ANAPC7: variants seen among roughly 807,000 people sequenced by gnomAD.
The protein encoded by ANAPC7 is anaphase-promoting complex subunit 7.
ANAPC7 carries 25 observed loss-of-function variants against 63.3 expected under a neutral mutation model. The observed-to-expected ratio is 0.39, with a 90% CI of 0.29 to 0.55. The LOEUF is 0.55. Among genes scored for constraint, ANAPC7 ranks in the 20% least tolerant of loss-of-function variants. ANAPC7 has a pLI of 0.57. For missense variants in ANAPC7, 516 were observed against 691.7 expected, an observed-to-expected ratio of 0.75 and a Z score of 2.85; for synonymous variants, 241 against 251.7, an observed-to-expected ratio of 0.96 and a Z score of 0.40.
intron 9 of ANAPC7, among the ~76,000 whole-genome samples, chr12:110,376,563 C>A (rs1881289185): frequency 9.8e-5 from 1 of 10,176 alleles, no homozygotes; most frequent in Admixed American, 8.2e-4. Flanking sequence ...AGCGAGACTC[C>A]ATCTCAAAAA....
intron 3 of ANAPC7, among the ~76,000 whole-genome samples, chr12:110,394,392 C>T (rs1401144992): frequency 1.3e-5 from 2 of 151,498 alleles, no homozygotes; most frequent in East Asian, 2.0e-4. Context: ...TTTGGGAGGC[C>T]GAGGTGGGCG....
intron 3 of ANAPC7, among the ~76,000 whole-genome samples, chr12:110,391,456 C>T (rs767395535): frequency 2.0e-5 from 3 of 152,202 alleles, no homozygotes; most frequent in Non-Finnish European, 4.4e-5. Context: ...CACATTTTGA[C>T]TCACTTCCTT....
At chr12:110,383,050 T>C in intron 6 of ANAPC7, 90 bp from the exon 7 acceptor site, 2 of 905,836 alleles carry the variant, frequency 2.2e-6, no homozygotes, top group Admixed American at 2.2e-5. Flanking sequence ...TCAGACCCCA[T>C]GCTGAGGCCC....
At position 110,388,583 on chromosome 12, in the gene ANAPC7, T is replaced by C. The variant is rs1478051856; in HGVS notation, c.449A>G (p.Gln150Arg). 6.2e-7 allele frequency: 1 copy of C among 1,614,120 alleles called. No homozygotes were observed. The highest frequency in any genetic ancestry group is 8.5e-7 in the Non-Finnish European group (1 of 1,180,062). The change falls in exon 4 of 11, where the codon CAG becomes CGG. Residue 150 changes from glutamine (Q) to arginine (R), a missense_variant. By Grantham distance (43) the Gln-to-Arg change is conservative. Around this residue, in one of 4 missense-constraint regions of ANAPC7, gnomAD observed 185 missense variants for 200.3 expected, o/e 0.92. Transcript: ENST00000455511. ...ATAGCTGGTGACTGAAGGGCGCTCC[T>C]GACCAGCCTTCTTGTACAGGTTTGC... ...MLANLYKKAG[Q>R]ERPSVTSYKE...
In ANAPC7 at chr12:110,382,076, T is replaced by C. The variant is rs145251143; in HGVS notation, c.936-128A>G. The C allele has an allele frequency of 3.8e-4, 353 of 923,888 alleles. 1 individual carries two copies. The African/African-American group carries it at 5.4e-3, about 14-fold the overall frequency. 57.2% of individuals were successfully genotyped at this position (923,888 alleles called of 1,614,324 possible). ...TAATCCTTATTCCAAACCACACTTA[T>C]AGTTTTAACCTAAGATATTAGTAGA... On this transcript the variant is annotated intron_variant, in intron 7 of 10. Transcript: ENST00000455511.
Position 110,388,609 on chromosome 12 carries a change from C to T in ANAPC7, c.423G>A (p.Leu141=). The stretch of plus-strand genomic sequence containing the variant: ...GACCAGCCTTCTTGTACAGGTTTGC[C>T]AGCATCATGTTTATCTGTACAAACA... ...RQRTPKINMM[L]ANLYKKAGQE... Residue 141 remains leucine (L), a synonymous_variant, in exon 4 of 11, where the codon CTG becomes CTA. Coordinates refer to ENST00000455511, the MANE Select transcript of ANAPC7 (RefSeq NM_016238.3). 6.2e-7 allele frequency: 1 copy of T among 1,613,878 alleles called. No individual in the cohort carries two copies. Among genetic ancestry groups the T allele is most frequent in the Non-Finnish European group, 8.5e-7 (1 of 1,179,842 alleles).
intron 6 of ANAPC7, among the ~76,000 whole-genome samples, chr12:110,383,652 G>A (rs1486236615): frequency 2.6e-5 from 4 of 151,974 alleles, no homozygotes; most frequent in African/African-American, 9.7e-5. Flanking sequence ...GGAGGCCAAG[G>A]AGGGCAGATC....
chr12:110,373,449 G>A lies in ANAPC7; in HGVS notation c.*695C>T, dbSNP rs1880993492. ...AAATACTAAGAGTCTATTTTGAAAA[G>A]GGCTTCCATTCTGATCACCCCAACA... On this transcript the variant is annotated 3_prime_UTR_variant, in exon 11 of 11. Transcript: ENST00000455511. 6.6e-6 allele frequency: 1 copy of A among 152,110 alleles called. No homozygotes were observed. Among genetic ancestry groups the A allele is most frequent in the African/African-American group, 2.4e-5 (1 of 41,392 alleles). The allele number at this position is 152,110 out of a possible 1,614,324, so 9.4% of individuals were successfully genotyped here. A position where few individuals can be genotyped will look rare whatever the true frequency, so the allele number is the denominator to read the frequency against.
chr12:110,396,685 T>G (rs1481143883), intron 1 of ANAPC7, among the ~76,000 whole-genome samples: 2 of 149,898 alleles, frequency 1.3e-5, no homozygotes, highest in South Asian at 2.1e-4. Context: ...TAATTTTTGT[T>G]TTTTTTTTTA....
chr12:110,377,820 GAA>G, intron 8 of ANAPC7: 1 of 1,424,406 alleles, frequency 7.0e-7, no homozygotes, highest in Non-Finnish European at 9.2e-7. Flanking sequence ...GATGGATGTA[GAA>G]AAAGACTGCC....
At chr12:110,395,676 C>A (rs534621470) in intron 2 of ANAPC7, among the ~76,000 whole-genome samples, 7 of 151,958 alleles carry the variant, frequency 4.6e-5, no homozygotes, top group African/African-American at 1.7e-4. Flanking sequence ...GTAGCTGGGA[C>A]TACAGGCATC....
At chr12:110,378,313 CG>C (rs1881485509) in intron 8 of ANAPC7, among the ~76,000 whole-genome samples, 1 of 152,168 alleles carries the variant, frequency 6.6e-6, no homozygotes, top group Non-Finnish European at 1.5e-5. Context: ...AGGCTGCTCT[CG>C]AACTCCTGAC....
chr12:110,401,867 G>A (rs535495722), intron 1 of ANAPC7, among the ~76,000 whole-genome samples: 4 of 151,262 alleles, frequency 2.6e-5, no homozygotes, highest in Non-Finnish European at 4.4e-5. Context: ...CCAGCTACTC[G>A]GGAGGCTGAG....
chr12:110,398,363 C>G (rs1277142753), intron 1 of ANAPC7, among the ~76,000 whole-genome samples: 2 of 151,778 alleles, frequency 1.3e-5, no homozygotes, highest in Non-Finnish European at 2.9e-5. Context: ...TTGCAGTGGG[C>G]CAAGATCATG....
rs778392635 is a variant in ANAPC7, at chr12:110,396,263, T to C, written c.288+3A>G. The C allele has an allele frequency of 1.9e-6, 3 of 1,597,854 alleles. No homozygotes were observed. The highest frequency in any genetic ancestry group is 2.6e-6 in the Non-Finnish European group (3 of 1,172,968). On this transcript the variant is annotated splice_donor_region_variant and intron_variant, in intron 2 of 10. Coordinates refer to ENST00000455511, the MANE Select transcript of ANAPC7 (RefSeq NM_016238.3). Reference sequence around the variant, plus strand: ...AAAAAATCACAATTCTATCTCCAATTACCTGACTTTGTGGAGTAGATGCAG... The same window carrying C: ...AAAAAATCACAATTCTATCTCCAATCACCTGACTTTGTGGAGTAGATGCAG...
At chr12:110,381,630 C>T (rs905641505) in intron 8 of ANAPC7, 122 bp downstream of exon 8, 30 of 1,007,352 alleles carry the variant, frequency 3.0e-5, no homozygotes, top group Admixed American at 2.2e-4. Flanking sequence ...CCACCACGTC[C>T]GGCCAGCTTC....
At chr12:110,401,034 A>G (rs1277101130) in intron 1 of ANAPC7, among the ~76,000 whole-genome samples, 1 of 152,210 alleles carries the variant, frequency 6.6e-6, no homozygotes, top group African/African-American at 2.4e-5. Flanking sequence ...TGGGCAACAA[A>G]GCAAGACTCC....
At chr12:110,375,985 G>T in intron 10 of ANAPC7, 81 bp downstream of exon 10, 2 of 1,466,376 alleles carry the variant, frequency 1.4e-6, no homozygotes, top group Non-Finnish European at 1.8e-6. Context: ...GTGTGTGTGT[G>T]TTTCCATAAC....
chr12:110,392,957 G>A (rs182427620), intron 3 of ANAPC7, among the ~76,000 whole-genome samples: 43 of 152,104 alleles, frequency 2.8e-4, no homozygotes, highest in Middle Eastern at 6.8e-3. Context: ...CACCACACCC[G>A]GCTAATTTTA....
Sources: allele counts gnomAD v4.1 joint callset (sites outside exome capture counted in the v4.1 genomes callset), GRCh38; gene constraint gnomAD v4.1.1; regional missense constraint gnomAD v4.1.1; transcripts MANE v1.5; gene names NCBI Gene and HGNC (gene_info 2026-07-23, HGNC 2026-07-21).